Variants in IST1 observed in about 807,000 individuals in gnomAD.
The protein encoded by IST1 is IST1 homolog.
A neutral mutation model predicts 37.0 loss-of-function variants in IST1; 23 were observed. The observed-to-expected ratio is 0.62, with a 90% CI of 0.45 to 0.88. The LOEUF is 0.88. Among genes scored for constraint, IST1 ranks in the 40% least tolerant of loss-of-function variants. IST1 has a pLI of 0.00. For synonymous variants in IST1, 180 were observed against 161.7 expected (o/e 1.11, Z -0.86); for missense variants, 488 against 445.4 (o/e 1.10, Z -0.86).
At chr16:71,894,969 C>G, upstream of IST1, 1 of 817,446 alleles carries the variant, frequency 1.2e-6, no homozygotes, top group Non-Finnish European at 2.0e-6. Flanking sequence ...CGGAGCGATG[C>G]TGGTCCAAAG....
intron 4 of IST1, among the ~76,000 whole-genome samples, chr16:71,920,212 T>C (rs1364296717): frequency 6.6e-6 from 1 of 152,234 alleles, no homozygotes; most frequent in African/African-American, 2.4e-5. Flanking sequence ...GGAAGGGGCA[T>C]AGGCTGCGAG....
intron 6 of IST1, 143 bp downstream of exon 6, chr16:71,921,596 G>C (rs1443164370): frequency 1.8e-5 from 11 of 596,696 alleles, no homozygotes; most frequent in Admixed American, 8.6e-5. Context: ...CAATAAATGT[G>C]CCTGCATATC....
chr16:71,917,275 T>C, intron 4 of IST1, 141 bp downstream of exon 4: 1 of 577,754 alleles, frequency 1.7e-6, no homozygotes. Flanking sequence ...GTAAATTTGT[T>C]TCTCCCTTTC....
intron 1 of IST1, among the ~76,000 whole-genome samples, chr16:71,907,554 G>T (rs144545451): frequency 0.018 from 2,762 of 152,262 alleles, 39 homozygotes; most frequent in Non-Finnish European, 0.031. Flanking sequence ...TGGGATTACA[G>T]GCGTGAGCCA....
chr16:71,927,140 G>A (rs989000801), intron 9 of IST1, among the ~76,000 whole-genome samples: 1 of 152,114 alleles, frequency 6.6e-6, no homozygotes, highest in Non-Finnish European at 1.5e-5. Context: ...AAGTAAAACA[G>A]GATTCAACCC....
intron 1 of IST1, among the ~76,000 whole-genome samples, chr16:71,908,296 CTTTTTTTTTT>C (rs59849119): frequency 2.6e-5 from 2 of 76,820 alleles, no homozygotes; most frequent in African/African-American, 5.0e-5. Flanking sequence ...CTCGTTGTAG[CTTTTTTTTTT>C]TTTTTTTTTT....
At chr16:71,917,269 A>G in intron 4 of IST1, 135 bp downstream of exon 4, 1 of 575,506 alleles carries the variant, frequency 1.7e-6, no homozygotes, top group Non-Finnish European at 3.0e-6. Context: ...GGTTTTGTAA[A>G]TTTGTTTCTC....
At chr16:71,916,344 A>G (rs2037465677) in intron 2 of IST1, 118 bp from the exon 3 acceptor site, 1 of 929,278 alleles carries the variant, frequency 1.1e-6, no homozygotes, top group African/African-American at 1.7e-5. Context: ...GATTTGCTAA[A>G]GGAGAGGAGC....
Position 71,929,987 on chromosome 16 carries a change from G to T in IST1, c.*2174G>T. 6.8e-7 allele frequency: 1 copy of T among 1,462,744 alleles called. No individual in the cohort carries two copies. The highest frequency in any genetic ancestry group is 9.2e-7 in the Non-Finnish European group (1 of 1,090,482). The allele number at this position is 1,462,744 out of a possible 1,614,324, so 90.6% of individuals were successfully genotyped here. On this transcript the variant is annotated 3_prime_UTR_variant, in exon 10 of 10. Coordinates refer to ENST00000378799, the MANE Select transcript of IST1 (RefSeq NM_001270975.2). ...AAATTATGTCAGCCCGTCATCTTAG[G>T]GGCAGTTACAGTGGAGCTTTCCCAG...
At position 71,922,620 on chromosome 16, in the gene IST1, C is replaced by T. The variant is rs142000433; in HGVS notation, c.699C>T (p.Pro233=). 8 of 1,612,576 alleles carry T rather than the reference C, an allele frequency of 5.0e-6. No individual in the cohort carries two copies. Among genetic ancestry groups the T allele is most frequent in the South Asian group, 1.1e-5 (1 of 90,990 alleles). ...ATGGAACGGTGCCAATGCCCATGCC[C>T]ATGCCCATGCCTATGCCATCTGCAA... ...GPDGTVPMPM[P]MPMPMPSANT... is the part of the protein sequence containing the mutation. The change falls in exon 7 of 10, where the codon CCC becomes CCT. Residue 233 remains proline, a synonymous_variant. Transcript: ENST00000378799.
At position 71,925,886 on chromosome 16, in the gene IST1, A is replaced by G. The variant is rs145841926; in HGVS notation, c.901+1069A>G. Among the ~76,000 whole-genome samples the G allele has an allele frequency of 2.8e-3, 433 of 152,276 alleles. 2 individuals carry two copies. The highest frequency in any genetic ancestry group is 1.0e-2 in the African/African-American group (415 of 41,554). ...AGCCCAGGAGTTCAAGATTACAGTG[A>G]GTGATCATTGTACTCCAGCCTGGGG... On this transcript the variant is annotated intron_variant, in intron 9 of 9. Coordinates refer to ENST00000378799, the MANE Select transcript of IST1 (RefSeq NM_001270975.2).
intron 8 of IST1, 30 bp downstream of exon 8, chr16:71,923,410 C>T: frequency 7.2e-7 from 1 of 1,391,426 alleles, no homozygotes; most frequent in East Asian, 2.3e-5. Context: ...TTATAAGCAA[C>T]AGGAGAGTGA....
chr16:71,925,398 C>T (rs887161423), intron 9 of IST1, among the ~76,000 whole-genome samples: 2 of 147,696 alleles, frequency 1.4e-5, no homozygotes, highest in African/African-American at 5.0e-5. Flanking sequence ...CTCACTGCAA[C>T]CTCTGCCTCC....
rs2037788275 is a variant in IST1 at position 71,927,880 on chromosome 16, G to C, written c.*67G>C. ...CTGAGCAATTTCTCCTTGTAACAAA[G>C]AATCTCCATGAAATTCTGTTTCATC... On this transcript the variant is annotated 3_prime_UTR_variant, in exon 10 of 10. Transcript: ENST00000378799. The C allele has an allele frequency of 9.1e-7, 1 of 1,094,410 alleles. No individual in the cohort carries two copies. The highest frequency in any genetic ancestry group is 2.4e-5 in the East Asian group (1 of 42,526). The allele number at this position is 1,094,410 out of a possible 1,614,324, so 67.8% of individuals were successfully genotyped here.
At chr16:71,901,544 GATTT>G (rs1321131817) in intron 1 of IST1, among the ~76,000 whole-genome samples, 1 of 152,090 alleles carries the variant, frequency 6.6e-6, no homozygotes, top group Non-Finnish European at 1.5e-5. Context: ...TTTTTAGTCT[GATTT>G]ATTTAATGTA....
chr16:71,925,176 C>CTAA (rs2037710717), intron 9 of IST1, among the ~76,000 whole-genome samples: 1 of 151,496 alleles, frequency 6.6e-6, no homozygotes, highest in African/African-American at 2.4e-5. Context: ...CCATGCCTGG[C>CTAA]TAATTTTTTT....
intron 1 of IST1, among the ~76,000 whole-genome samples, chr16:71,907,281 T>C (rs766715093): frequency 6.7e-5 from 8 of 119,858 alleles, no homozygotes; most frequent in African/African-American, 2.8e-4. Context: ...CCTTATGGGA[T>C]TTTTTTTTTT....
At chr16:71,920,638 G>A in intron 4 of IST1, 101 bp from the exon 5 acceptor site, 1 of 776,776 alleles carries the variant, frequency 1.3e-6, no homozygotes, top group Non-Finnish European at 2.2e-6. Context: ...CAGTGTTTTG[G>A]AAATCTTGTA....
Position 71,929,127 on chromosome 16 carries a change from G to A in IST1, c.*1314G>A, listed in dbSNP as rs1456828096. The stretch of plus-strand genomic sequence containing the variant: ...GTTTCAGGATTCCTGGAGCAGTACA[G>A]AGCTCATTTTGATCTCTGTATTTAG... On this transcript the variant is annotated 3_prime_UTR_variant, in exon 10 of 10. Transcript: ENST00000378799. The A allele has an allele frequency of 6.1e-6, 1 of 164,536 alleles. No individual in the cohort carries two copies. The highest frequency in any genetic ancestry group is 1.3e-5 in the Non-Finnish European group (1 of 74,760). 10.2% of individuals were successfully genotyped at this position (164,536 alleles called of 1,614,324 possible).
Sources: allele counts gnomAD v4.1 joint callset (sites outside exome capture counted in the v4.1 genomes callset), GRCh38; gene constraint gnomAD v4.1.1; transcripts MANE v1.5; gene names NCBI Gene and HGNC (gene_info 2026-07-23, HGNC 2026-07-21).